The following KDM4B variants were observed in gnomAD, a reference collection of about 807,000 sequenced individuals.
The protein encoded by KDM4B is lysine demethylase 4B.
KDM4B carries 32 observed loss-of-function variants against 125.2 expected under a neutral mutation model. The ratio of observed to expected loss-of-function variants is 0.26; its 90% CI spans 0.19 to 0.34. The LOEUF (loss-of-function observed/expected upper bound fraction) is 0.34. Ranked by LOEUF, KDM4B falls within the 10% of genes least tolerant of loss-of-function variation. The pLI, the probability that KDM4B is intolerant of heterozygous loss-of-function variation, is 1.00. For synonymous variants in KDM4B, 721 were observed against 677.9 expected (o/e 1.06, Z -0.99); for missense variants, 1,190 against 1,577.7 (o/e 0.75, Z 4.16).
At chr19:5,034,317 G>C (rs1419137156) in intron 3 of KDM4B, among the ~76,000 whole-genome samples, 1 of 152,144 alleles carries the variant, frequency 6.6e-6, no homozygotes, top group African/African-American at 2.4e-5. Flanking sequence ...GACTATCGCT[G>C]TTCTTCCTCA....
chr19:5,037,733 A>G (rs1277012783), intron 3 of KDM4B, among the ~76,000 whole-genome samples: 1 of 151,952 alleles, frequency 6.6e-6, no homozygotes, highest in Non-Finnish European at 1.5e-5. Flanking sequence ...GCCTCCATCT[A>G]CCTCATGCCA....
intron 9 of KDM4B, among the ~76,000 whole-genome samples, chr19:5,105,545 A>G (rs1479932933): frequency 2.0e-5 from 3 of 152,044 alleles, no homozygotes; most frequent in East Asian, 1.9e-4. Context: ...TGATCCTCCC[A>G]CCTCAGCCTC....
intron 6 of KDM4B, among the ~76,000 whole-genome samples, chr19:5,061,435 C>G (rs915995500): frequency 6.6e-6 from 1 of 152,234 alleles, no homozygotes; most frequent in African/African-American, 2.4e-5. Context: ...TTCCTGGGAA[C>G]AAGCCACCCT....
At chr19:5,118,380 G>T (rs959295195) in intron 10 of KDM4B, among the ~76,000 whole-genome samples, 1 of 152,232 alleles carries the variant, frequency 6.6e-6, no homozygotes, top group African/African-American at 2.4e-5. Context: ...GATCTCAACT[G>T]GGGAAGGGGA....
intron 1 of KDM4B, among the ~76,000 whole-genome samples, chr19:4,996,791 T>C (rs1170261910): frequency 1.3e-5 from 2 of 152,202 alleles, no homozygotes; most frequent in Admixed American, 6.5e-5. Flanking sequence ...TATGTTTTTT[T>C]TCTTGACTTA....
At chr19:5,112,136 C>T (rs1568304788) in intron 10 of KDM4B, 3 of 313,356 alleles carry the variant, frequency 9.6e-6, no homozygotes, top group Non-Finnish European at 1.8e-5. Flanking sequence ...GCCTGTGGTC[C>T]CAACTACTGA....
At chr19:5,083,278 C>T (rs1389210901) in intron 9 of KDM4B, among the ~76,000 whole-genome samples, 1 of 152,246 alleles carries the variant, frequency 6.6e-6, no homozygotes, top group Non-Finnish European at 1.5e-5. Flanking sequence ...GGATAGGAAG[C>T]CCACAAGAGC....
In KDM4B at chr19:5,084,809, G is replaced by C. The variant is rs918144599; in HGVS notation, c.918+2305G>C. On this transcript the variant is annotated intron_variant, in intron 9 of 22. Coordinates refer to ENST00000159111, the MANE Select transcript of KDM4B (RefSeq NM_015015.3). The stretch of plus-strand genomic sequence containing the variant: ...AGCCTGGGCAACAGAGTGAGGACCC[G>C]TCTCAAAGAAAAAAAATGAATTTCA... 1.2e-4 allele frequency among the ~76,000 whole-genome samples: 18 copies of C among 151,214 alleles called. No individual in the cohort carries two copies. The Admixed American group carries it at 1.2e-3, about 10-fold the overall frequency.
chr19:5,090,600 TTCTC>T lies in KDM4B; in HGVS notation c.918+8108_918+8111del, dbSNP rs542704669. Among the ~76,000 whole-genome samples the T allele has an allele frequency of 2.9e-4, 16 of 55,718 alleles. No homozygotes were observed. In the East Asian group the frequency reaches 6.4e-3, roughly 22 times the overall value. 36.6% of individuals were successfully genotyped at this position (55,718 alleles called of 152,430 possible). On this transcript the variant is annotated intron_variant, in intron 9 of 22. Coordinates refer to ENST00000159111, the MANE Select transcript of KDM4B (RefSeq NM_015015.3). The stretch of plus-strand genomic sequence containing the variant: ...CTCCCCCTCTCCCCCCTCCCTCTCT[TTCTC>T]TCTCTCTCTCTGTCTCCCCGCTGCG...
chr19:5,074,332 T>C (rs1396552284), intron 7 of KDM4B: 1 of 152,272 alleles, frequency 6.6e-6, no homozygotes, highest in Admixed American at 6.5e-5. Flanking sequence ...CCCCTTGTGT[T>C]CCTAGGTGCC....
intron 9 of KDM4B, among the ~76,000 whole-genome samples, chr19:5,086,164 TCAC>T (rs1368386201): frequency 1.3e-5 from 2 of 152,110 alleles, no homozygotes; most frequent in Admixed American, 1.3e-4. Context: ...TGTTGGCTGT[TCAC>T]CTTCCTTGAC....
chr19:5,103,783 G>T (rs558631546), intron 9 of KDM4B, among the ~76,000 whole-genome samples: 2 of 152,366 alleles, frequency 1.3e-5, no homozygotes, highest in South Asian at 4.1e-4. Flanking sequence ...GGAGGGAACA[G>T]CCCCGAGCCC....
At chr19:5,065,638 C>T (rs1300526865) in intron 6 of KDM4B, among the ~76,000 whole-genome samples, 6 of 152,336 alleles carry the variant, frequency 3.9e-5, no homozygotes, top group East Asian at 1.9e-4. Context: ...CCGGGGCCAG[C>T]GTGGCGGCGA....
chr19:5,133,889 C>T lies in KDM4B; in HGVS notation c.1913C>T (p.Ser638Phe), dbSNP rs1239954310. 6.2e-7 allele frequency: 1 copy of T among 1,612,926 alleles called. No individual in the cohort carries two copies. Among genetic ancestry groups the T allele is most frequent in the East Asian group, 2.2e-5 (1 of 44,880 alleles). ...KQEASSDEEA[S>F]PFSGEEDVSD... ...CTCCCCTCTGTTCTTCTAGAGGCAT[C>T]CCCTTTCTCCGGGGAGGAAGATGTG... is the stretch of plus-strand genomic sequence containing the variant. The change falls in exon 14 of 23, where the codon TCC (serine) becomes TTC (phenylalanine). Residue 638 changes from serine to phenylalanine, a missense_variant. Ser to Phe is a radical substitution (Grantham distance 155, BLOSUM62 -2). This residue lies in a region of KDM4B where 128 missense variants were observed against 137.8 expected (regional missense o/e 0.93). Coordinates refer to ENST00000159111, the MANE Select transcript of KDM4B (RefSeq NM_015015.3).
At position 5,078,364 on chromosome 19, in the gene KDM4B, T is replaced by C. The variant is rs575445134; in HGVS notation, c.780+894T>C. The C allele has an allele frequency of 4.6e-5, 7 of 151,978 alleles. No individual in the cohort carries two copies. The highest frequency in any genetic ancestry group is 1.7e-4 in the African/African-American group (7 of 41,360). 9.4% of individuals were successfully genotyped at this position (151,978 alleles called of 1,614,324 possible). On this transcript the variant is annotated intron_variant, in intron 8 of 22. Coordinates refer to ENST00000159111, the MANE Select transcript of KDM4B (RefSeq NM_015015.3). This position sits in a 1 kb window ranked among gnomAD's most constrained non-coding sequence, Gnocchi z 4.5. The stretch of plus-strand genomic sequence containing the variant: ...GTGTCAGCCAGCCGGAAATTGCTTG[T>C]GACATTTCAATCAAACCGCCAAAGC...
intron 1 of KDM4B, among the ~76,000 whole-genome samples, chr19:4,985,806 C>T (rs1229399317): frequency 6.6e-6 from 1 of 152,216 alleles, no homozygotes; most frequent in Non-Finnish European, 1.5e-5. Context: ...TGCTCTGAGC[C>T]TCAGCACCGG....
At position 5,093,030 on chromosome 19, in the gene KDM4B, C is replaced by A. The variant is rs1210020952; in HGVS notation, c.918+10526C>A. 2.0e-5 allele frequency among the ~76,000 whole-genome samples: 3 copies of A among 152,178 alleles called. No individual in the cohort carries two copies. In the East Asian group the frequency reaches 5.8e-4, roughly 29 times the overall value. ...CTGGAGCTGTCTGCCTGGGTGCAGA[C>A]CCTCCCCTCCTAGTGCTCTGCCTCA... is the stretch of plus-strand genomic sequence containing the variant. On this transcript the variant is annotated intron_variant, in intron 9 of 22. Coordinates refer to ENST00000159111, the MANE Select transcript of KDM4B (RefSeq NM_015015.3).
At chr19:4,983,772 G>A (rs562507722) in intron 1 of KDM4B, among the ~76,000 whole-genome samples, 1 of 152,290 alleles carries the variant, frequency 6.6e-6, no homozygotes, top group African/African-American at 2.4e-5. Context: ...AGCCACAGGC[G>A]GCTTCAAAGG....
intron 6 of KDM4B, among the ~76,000 whole-genome samples, chr19:5,053,996 T>C (rs2037314668): frequency 6.6e-6 from 1 of 152,266 alleles, no homozygotes; most frequent in African/African-American, 2.4e-5. Context: ...AATCCTCTGC[T>C]TCTGATGGCG....
Sources: gnomAD v4.1 joint callset for allele counts (sites outside exome capture counted in the v4.1 genomes callset) on GRCh38, gnomAD v4.1.1 for gene constraint, gnomAD v4.1.1 regional missense constraint, Gnocchi (gnomAD v3.1) non-coding constraint, MANE v1.5 for transcripts, NCBI Gene and HGNC (gene_info 2026-07-23, HGNC 2026-07-21) for gene names.